The following SCIMP variants were observed in gnomAD, a reference collection of about 807,000 sequenced individuals.
SCIMP encodes SLP adaptor and CSK interacting membrane protein.
In SCIMP, 18 loss-of-function variants were observed where a neutral mutation model predicts 22.0. The ratio of observed to expected loss-of-function variants is 0.82; its 90% CI spans 0.56 to 1.21. SCIMP has a LOEUF of 1.21. Ranked by LOEUF, SCIMP falls within the 50% of genes most tolerant of loss-of-function variation. The pLI, the probability that SCIMP is intolerant of heterozygous loss-of-function variation, is 0.00. For synonymous variants in SCIMP, 53 were observed against 62.2 expected (o/e 0.85, Z 0.70); for missense variants, 155 against 171.2 (o/e 0.91, Z 0.53).
At chr17:5,214,654 C>G in intron 4 of SCIMP, 1 of 374,988 alleles carries the variant, frequency 2.7e-6, no homozygotes, top group Non-Finnish European at 4.8e-6. Flanking sequence ...TCCTGGCTAA[C>G]GCGGTGAAAC....
chr17:5,232,938 C>T (rs2074714257), intron 1 of SCIMP, among the ~76,000 whole-genome samples: 2 of 152,164 alleles, frequency 1.3e-5, no homozygotes, highest in South Asian at 4.2e-4. Context: ...TCTCAAACTC[C>T]TGACCTCAAG....
At chr17:5,215,910 C>G (rs2074562315) in intron 3 of SCIMP, among the ~76,000 whole-genome samples, 1 of 152,122 alleles carries the variant, frequency 6.6e-6, no homozygotes, top group Non-Finnish European at 1.5e-5. Context: ...GGTAAAGTGA[C>G]TGGGCAAGGT....
chr17:5,215,075 C>G (rs1269593687), intron 3 of SCIMP, 77 bp from the exon 4 acceptor site: 9 of 889,916 alleles, frequency 1.0e-5, no homozygotes, highest in Non-Finnish European at 1.7e-5. Flanking sequence ...GAGAAAACAT[C>G]AAGGAAAGTG....
intron 1 of SCIMP, chr17:5,223,720 TTG>T (rs1237074856): frequency 2.6e-6 from 1 of 386,986 alleles, no homozygotes; most frequent in Non-Finnish European, 4.9e-6. Context: ...TGGCTAATTT[TTG>T]TATTTTTAGT....
Position 5,223,345 on chromosome 17 carries a change from G to T in SCIMP, c.133C>A (p.Gln45Lys). Reference sequence around the variant, plus strand: ...AAATGGCCATTACCTCGTCTAAGCTGCCACTTACAGACACAGTACAGGATG... The same window carrying T: ...AAATGGCCATTACCTCGTCTAAGCTTCCACTTACAGACACAGTACAGGATG... Reference protein sequence around the residue: ...GLILYCVCKWQLRRGKKWEIA... With the variant: ...GLILYCVCKWKLRRGKKWEIA... Residue 45 changes from glutamine to lysine, a missense_variant, in exon 2 of 5, where the codon CAG (glutamine) becomes AAG (lysine). By Grantham distance (53) the Gln-to-Lys change is moderately conservative (BLOSUM62 1). Transcript: ENST00000574081. 6.2e-7 allele frequency: 1 copy of T among 1,613,678 alleles called. No individual in the cohort carries two copies.
Position 5,214,974 on chromosome 17 carries a change from A to G in SCIMP, c.234T>C (p.Val78=). 1 of 1,611,326 alleles carries G rather than the reference A, an allele frequency of 6.2e-7. No homozygotes were observed. Among genetic ancestry groups the G allele is most frequent in the East Asian group, 2.2e-5 (1 of 44,878 alleles). The change falls in exon 4 of 5, where the codon GTT becomes GTC. Residue 78 remains valine (V), a synonymous_variant. Transcript: ENST00000574081. ...TCCTCGGTGGCAGAGGCGGTAATTGAACTGGCGACTCATTAAGAACATTCC... is the reference window on the plus strand; with the variant it reads ...TCCTCGGTGGCAGAGGCGGTAATTGGACTGGCGACTCATTAAGAACATTCC... ...MYENVLNESP[V]QLPPLPPRNW...
chr17:5,229,296 C>A (rs541994089), intron 1 of SCIMP, among the ~76,000 whole-genome samples: 1 of 150,382 alleles, frequency 6.6e-6, no homozygotes, highest in East Asian at 2.0e-4. Flanking sequence ...GCTTCACTTT[C>A]ATTTCTCCAA....
chr17:5,210,631 C>A lies in SCIMP; in HGVS notation c.*170G>T. ...TCCTCTGGCTGCAGTCATCCGATCG[C>A]AGGGGTGTCTTCATCTAAGGTTTGG... is the stretch of plus-strand genomic sequence containing the variant. On this transcript the variant is annotated 3_prime_UTR_variant, in exon 5 of 5. Transcript: ENST00000574081. 5.0e-6 allele frequency: 4 copies of A among 800,364 alleles called. No homozygotes were observed. Among genetic ancestry groups the A allele is most frequent in the Non-Finnish European group, 5.6e-6 (3 of 532,278 alleles). The allele number at this position is 800,364 out of a possible 1,614,324, so 49.6% of individuals were successfully genotyped here.
At chr17:5,224,707 G>A (rs1187543378) in intron 1 of SCIMP, among the ~76,000 whole-genome samples, 1 of 152,060 alleles carries the variant, frequency 6.6e-6, no homozygotes, top group Non-Finnish European at 1.5e-5. Flanking sequence ...TACCTGCCTC[G>A]GCCTCCCAAA....
intron 1 of SCIMP, 58 bp from the exon 2 acceptor site, chr17:5,223,514 T>G: frequency 6.3e-7 from 1 of 1,576,696 alleles, no homozygotes; most frequent in Non-Finnish European, 8.7e-7. Context: ...TGGGGTTGGG[T>G]GGAGTGGGGC....
At chr17:5,220,734 A>G (rs1326941818) in intron 3 of SCIMP, among the ~76,000 whole-genome samples, 1 of 149,130 alleles carries the variant, frequency 6.7e-6, no homozygotes, top group African/African-American at 2.5e-5. Context: ...ACAGAGTGAG[A>G]CTCCATCTCA....
At chr17:5,216,258 C>A (rs535730595) in intron 3 of SCIMP, among the ~76,000 whole-genome samples, 2 of 152,198 alleles carry the variant, frequency 1.3e-5, no homozygotes, top group South Asian at 4.1e-4. Context: ...TGTTCTATAG[C>A]AACAAGAATG....
intron 1 of SCIMP, among the ~76,000 whole-genome samples, chr17:5,231,540 T>G (rs1445127423): frequency 2.0e-5 from 3 of 152,114 alleles, no homozygotes; most frequent in African/African-American, 7.2e-5. Context: ...GCCACCATTT[T>G]GTGAACCTGC....
rs565220630 is a variant in SCIMP at position 5,225,223 on chromosome 17, G to T, written c.22-1767C>A. On this transcript the variant is annotated intron_variant, in intron 1 of 4. Transcript: ENST00000574081. ...CTCACGCCTGTAATCCCAGCACTTT[G>T]GGAGGCTGAGGAGGGCAGATCACTT... Among the ~76,000 whole-genome samples the T allele has an allele frequency of 7.9e-5, 12 of 152,322 alleles. No homozygotes were observed. In the East Asian group the frequency reaches 2.3e-3, roughly 29 times the overall value.
At chr17:5,229,383 G>GC in intron 1 of SCIMP, among the ~76,000 whole-genome samples, 1 of 110,100 alleles carries the variant, frequency 9.1e-6, no homozygotes, top group African/African-American at 3.5e-5. Context: ...GGTTTATTTA[G>GC]CTTTTTTTTT....
At chr17:5,232,634 A>G (rs903966593) in intron 1 of SCIMP, among the ~76,000 whole-genome samples, 1 of 152,018 alleles carries the variant, frequency 6.6e-6, no homozygotes, top group African/African-American at 2.4e-5. Flanking sequence ...TGGCATGAGC[A>G]GTTCTTGCCC....
intron 1 of SCIMP, among the ~76,000 whole-genome samples, chr17:5,232,119 C>T (rs2074702663): frequency 6.6e-6 from 1 of 151,590 alleles, no homozygotes; most frequent in South Asian, 2.1e-4. Flanking sequence ...GCAGAATGGG[C>T]CTCATTTGGT....
intron 1 of SCIMP, among the ~76,000 whole-genome samples, chr17:5,233,492 CT>C (rs2074718746): frequency 6.6e-6 from 1 of 152,166 alleles, no homozygotes; most frequent in African/African-American, 2.4e-5. Flanking sequence ...CCTGCCTCAG[CT>C]TCCCGAGTAG....
chr17:5,221,866 G>A (rs1440302555), intron 2 of SCIMP, among the ~76,000 whole-genome samples: 2 of 152,000 alleles, frequency 1.3e-5, no homozygotes, highest in Non-Finnish European at 1.5e-5. Flanking sequence ...TCTGCTCCCT[G>A]GGTTCAAGCG....
Sources: allele counts gnomAD v4.1 joint callset (sites outside exome capture counted in the v4.1 genomes callset), GRCh38; gene constraint gnomAD v4.1.1; transcripts MANE v1.5; gene names NCBI Gene and HGNC (gene_info 2026-07-23, HGNC 2026-07-21).